The following ANKRD36C variants were observed in gnomAD, a reference collection of about 807,000 sequenced individuals.
The protein encoded by ANKRD36C is ankyrin repeat domain 36C, also known as ankyrin repeat domain-containing protein 36C.
A neutral mutation model predicts 276.4 loss-of-function variants in ANKRD36C; 61 were observed. That is an observed-to-expected ratio of 0.22 (90% CI 0.18 to 0.27). The LOEUF is 0.27. ANKRD36C is among the 10% of genes least tolerant of loss of function. The probability of loss-of-function intolerance (pLI) is 1.00; values close to 1 mark genes in which losing one functional copy is unlikely to be tolerated. For synonymous variants in ANKRD36C, 483 were observed against 680.1 expected, an observed-to-expected ratio of 0.71 and a Z score of 4.51; for missense variants, 1,447 against 2,032.3, an observed-to-expected ratio of 0.71 and a Z score of 5.54.
Position 95,867,680 on chromosome 2 carries a change from C to A in ANKRD36C, c.3541-99G>T, listed in dbSNP as rs1675711110. The A allele has an allele frequency of 3.3e-6, 5 of 1,531,330 alleles. No individual in the cohort carries two copies. In the East Asian group the frequency reaches 1.2e-4, roughly 37 times the overall value. The allele number at this position is 1,531,330 out of a possible 1,614,324, so 94.9% of individuals were successfully genotyped here. ...AATTGCCCATCTGTTTATATGAGCA[C>A]AAACACAGGTACCTGTTCTGTACTT... On this transcript the variant is annotated intron_variant, in intron 59 of 66. Coordinates refer to ENST00000456556, the Ensembl canonical transcript of ANKRD36C.
intron 42 of ANKRD36C, among the ~76,000 whole-genome samples, 161 bp downstream of exon 44, chr2:95,912,083 A>G (rs1258260095): frequency 6.6e-6 from 1 of 151,418 alleles, no homozygotes; most frequent in Non-Finnish European, 1.5e-5. Context: ...CATGTTCCAG[A>G]CCAGCAGCAT....
At chr2:95,889,563 C>T (rs1025502135) in intron 48 of ANKRD36C, among the ~76,000 whole-genome samples, 1 of 151,380 alleles carries the variant, frequency 6.6e-6, no homozygotes, top group Non-Finnish European at 1.5e-5. Flanking sequence ...TGTTGAATTG[C>T]GGTCAGATGG....
chr2:95,849,871 G>A (rs1311079541), downstream of ANKRD36C, among the ~76,000 whole-genome samples: 1 of 152,186 alleles, frequency 6.6e-6, no homozygotes, highest in Admixed American at 6.5e-5. Context: ...AAATACAGAT[G>A]AAGCTTCACT....
intron 6 of ANKRD36C, among the ~76,000 whole-genome samples, chr2:95,971,999 A>G (rs919546444): frequency 2.6e-5 from 4 of 152,206 alleles, no homozygotes; most frequent in African/African-American, 9.6e-5. Flanking sequence ...GCACCATGCT[A>G]TGTTATATTA....
At chr2:95,913,841 T>G (rs967157191) in intron 40 of ANKRD36C, among the ~76,000 whole-genome samples, 12 of 151,466 alleles carry the variant, frequency 7.9e-5, no homozygotes, top group African/African-American at 2.7e-4. Context: ...CAAAATTATG[T>G]TGTTCCCCAG....
rs769333079 is a variant in ANKRD36C at position 95,917,898 on chromosome 2, C to T, written c.2304G>A (p.Ser768=). ...CGTCCTTTATTTCTGTGGCTATAAT[C>T]GAAACAGAATCTTCCTCGTCAGTTG... Residue 768 remains serine, a synonymous_variant, in exon 36 of 67, where the codon TCG becomes TCA. Coordinates refer to ENST00000456556, the Ensembl canonical transcript of ANKRD36C. The T allele has an allele frequency of 2.8e-5, 45 of 1,606,834 alleles. No individual in the cohort carries two copies. In the Admixed American group the frequency reaches 4.7e-4, roughly 17 times the overall value.
intron 6 of ANKRD36C, among the ~76,000 whole-genome samples, chr2:95,972,771 A>G (rs1245566645): frequency 6.6e-6 from 1 of 152,220 alleles, no homozygotes; most frequent in Non-Finnish European, 1.5e-5. Flanking sequence ...AAATCCATAA[A>G]GGAATAGAAA....
intron 22 of ANKRD36C, among the ~76,000 whole-genome samples, chr2:95,936,503 G>C (rs1309581106): frequency 6.6e-6 from 1 of 152,232 alleles, no homozygotes; most frequent in Non-Finnish European, 1.5e-5. Context: ...GAAAAGAATT[G>C]AGTCCCTGTG....
chr2:95,911,425 T>G (rs893636420), intron 42 of ANKRD36C, among the ~76,000 whole-genome samples: 2 of 151,502 alleles, frequency 1.3e-5, no homozygotes, highest in Non-Finnish European at 3.0e-5. Flanking sequence ...AATAGCCTTG[T>G]TAGGAGTATC....
Position 95,910,499 on chromosome 2 carries a change from A to G in ANKRD36C, c.2653+1745T>C, listed in dbSNP as rs1341592621. On this transcript the variant is annotated intron_variant, in intron 42 of 66. Coordinates refer to ENST00000456556, the Ensembl canonical transcript of ANKRD36C. The stretch of plus-strand genomic sequence containing the variant: ...ATAAATAAAGTATGTTTCATAGACC[A>G]TACATTAACTCGTTCACAATATAAA... 9 of 1,603,490 alleles carry G rather than the reference A, an allele frequency of 5.6e-6. No individual in the cohort carries two copies. In the South Asian group the frequency reaches 6.6e-5, roughly 12 times the overall value.
chr2:95,972,212 A>G (rs2579546), intron 6 of ANKRD36C, among the ~76,000 whole-genome samples: 3 of 152,192 alleles, frequency 2.0e-5, no homozygotes, highest in Non-Finnish European at 4.4e-5. Flanking sequence ...GTAGCTCACT[A>G]TACCTAAACT....
downstream of ANKRD36C, among the ~76,000 whole-genome samples, chr2:95,850,720 A>G (rs563625364): frequency 6.6e-6 from 1 of 152,372 alleles, no homozygotes; most frequent in South Asian, 2.1e-4. Flanking sequence ...CAATGACTAG[A>G]GATTTAAAAT....
At chr2:95,991,786 C>T (rs878990113) in exon 1 of ANKRD36C, 1 of 1,378,618 alleles carries the variant, frequency 7.3e-7, no homozygotes, top group South Asian at 1.3e-5. Flanking sequence ...AGAGCAACAA[C>T]AGGCAAAGCA....
intron 26 of ANKRD36C, 134 bp from the exon 27 acceptor site, chr2:95,927,543 TCTGGAGA>T (rs951853090): frequency 7.0e-7 from 1 of 1,422,244 alleles, no homozygotes; most frequent in Non-Finnish European, 9.4e-7. Flanking sequence ...CTACTTTTTG[TCTGGAGA>T]CTGGAACACG....
At chr2:95,859,438 T>C (rs1472792311) in intron 61 of ANKRD36C, among the ~76,000 whole-genome samples, 1 of 152,178 alleles carries the variant, frequency 6.6e-6, no homozygotes, top group African/African-American at 2.4e-5. Flanking sequence ...TTTAGAAATA[T>C]TGATCAAAGA....
intron 42 of ANKRD36C, 145 bp downstream of exon 44, chr2:95,912,099 T>G (rs1402723784): frequency 2.3e-5 from 28 of 1,213,134 alleles, no homozygotes; most frequent in Middle Eastern, 2.8e-4. Context: ...AGCATCAGCA[T>G]AACCCAAGAA....
rs187115454 is a variant in ANKRD36C at position 95,919,803 on chromosome 2, A to G, written c.2246-1761T>C. The G allele has an allele frequency of 4.8e-4, 690 of 1,423,624 alleles. 109 individuals carry two copies. The African/African-American group carries it at 9.5e-3, about 20-fold the overall frequency. The allele number at this position is 1,423,624 out of a possible 1,614,324, so 88.2% of individuals were successfully genotyped here. ...AAACAGAATCTTCCTCGTCAGTTGTAGCCTGAATGGAATTTGAAAGAAAAT... is the reference window on the plus strand; with the variant it reads ...AAACAGAATCTTCCTCGTCAGTTGTGGCCTGAATGGAATTTGAAAGAAAAT... On this transcript the variant is annotated intron_variant, in intron 34 of 66. Coordinates refer to ENST00000456556, the Ensembl canonical transcript of ANKRD36C.
In ANKRD36C at chr2:95,891,862, T is replaced by G. The variant is rs1426828400; in HGVS notation, c.2756-2A>C. ...AGCCTGATGGTTTCTCAGAAGACAC[T>G]GAAAAGTAAAAGGGATTCATAATCA... On this transcript the variant is annotated splice_acceptor_variant, in intron 44 of 66. Transcript: ENST00000456556. LOFTEE classifies it high-confidence loss of function. The G allele has an allele frequency of 1.2e-5, 18 of 1,560,402 alleles. No homozygotes were observed. The highest frequency in any genetic ancestry group is 1.4e-5 in the Non-Finnish European group (16 of 1,152,688).
rs923681252 is a variant in ANKRD36C, at chr2:95,893,459, G to A, written c.2756-1599C>T. ...AAAGTGCAGCTTCGACGAGCCCCCCGCTGATTTATTTGGGGAAGGGAACTT... is the reference window on the plus strand; with the variant it reads ...AAAGTGCAGCTTCGACGAGCCCCCCACTGATTTATTTGGGGAAGGGAACTT... On this transcript the variant is annotated intron_variant, in intron 44 of 66. Transcript: ENST00000456556. 14 of 1,520,278 alleles carry A rather than the reference G, an allele frequency of 9.2e-6. 1 individual carries two copies. Among genetic ancestry groups the A allele is most frequent in the Admixed American group, 6.0e-5 (3 of 50,294 alleles). The allele number at this position is 1,520,278 out of a possible 1,614,324, so 94.2% of individuals were successfully genotyped here.
Sources: allele counts gnomAD v4.1 joint callset (sites outside exome capture counted in the v4.1 genomes callset), GRCh38; gene constraint gnomAD v4.1.1; transcripts MANE v1.5; gene names NCBI Gene and HGNC (gene_info 2026-07-23, HGNC 2026-07-21).